Variants in DHX35 observed in about 807,000 individuals in gnomAD.
DHX35 encodes the protein DEAH-box helicase 35.
DHX35 carries 84 observed loss-of-function variants against 99.6 expected under a neutral mutation model. That is an observed-to-expected ratio of 0.84 (90% CI 0.71 to 1.01). The LOEUF (loss-of-function observed/expected upper bound fraction) is 1.01. Among genes scored for constraint, DHX35 ranks in the 50% least tolerant of loss-of-function variants. DHX35 has a pLI of 0.00. For missense variants in DHX35, 852 were observed against 888.5 expected, an observed-to-expected ratio of 0.96 and a Z score of 0.52; for synonymous variants, 331 against 316.2, an observed-to-expected ratio of 1.05 and a Z score of -0.50.
rs569072175 is a variant in DHX35, at chr20:39,002,813, T to C, written c.797T>C (p.Val266Ala). ...ATCAAATCAACTGTCGAAACTGTGG[T>C]GAAAATTCACCAGACAGAGGGAGAC... is the stretch of plus-strand genomic sequence containing the variant. Reference protein sequence around the residue: ...DYIKSTVETVVKIHQTEGDGD... With the variant: ...DYIKSTVETVAKIHQTEGDGD... The change falls in exon 10 of 22, where the codon GTG becomes GCG. Residue 266 changes from valine to alanine, a missense_variant. Physicochemically the swap from Val to Ala is moderately conservative, Grantham distance 64. Transcript: ENST00000252011. 6.2e-7 allele frequency: 1 copy of C among 1,614,172 alleles called. No individual in the cohort carries two copies. Among genetic ancestry groups the C allele is most frequent in the African/African-American group, 1.3e-5 (1 of 75,052 alleles).
chr20:39,004,266 T>C (rs959595492), intron 11 of DHX35, among the ~76,000 whole-genome samples: 8 of 152,010 alleles, frequency 5.3e-5, no homozygotes, highest in South Asian at 4.1e-4. Context: ...GGGGTTTCAC[T>C]AAGTTAGCCA....
intron 21 of DHX35, among the ~76,000 whole-genome samples, chr20:39,037,035 G>A (rs546744817): frequency 6.6e-6 from 1 of 152,212 alleles, no homozygotes; most frequent in Admixed American, 6.5e-5. Flanking sequence ...ACTGTTTTTC[G>A]GAATGTTGCT....
chr20:38,962,363 C>A lies in DHX35; in HGVS notation c.-5C>A. 2 of 1,612,380 alleles carry A rather than the reference C, an allele frequency of 1.2e-6. No homozygotes were observed. The highest frequency in any genetic ancestry group is 2.2e-5 in the East Asian group (1 of 44,774). ...GGAGCTAGCCTCGTGACCTTTTACCCCAACATGGCTGCGCCCGTGGGACCG... is the reference window on the plus strand; with the variant it reads ...GGAGCTAGCCTCGTGACCTTTTACCACAACATGGCTGCGCCCGTGGGACCG... On this transcript the variant is annotated 5_prime_UTR_variant, in exon 1 of 22. Transcript: ENST00000252011.
At position 39,039,500 on chromosome 20, in the gene DHX35, A is replaced by G. The variant is rs755419434; in HGVS notation, c.*957A>G. ...TGTGATGATGATTGCATTTCAACAC[A>G]TGCCAGATGCAGATTTTTTCCCCCT... On this transcript the variant is annotated 3_prime_UTR_variant, in exon 22 of 22. Transcript: ENST00000252011. 28 of 152,462 alleles carry G rather than the reference A, an allele frequency of 1.8e-4. No homozygotes were observed. The highest frequency in any genetic ancestry group is 4.1e-4 in the Non-Finnish European group (28 of 68,040). 9.4% of individuals were successfully genotyped at this position (152,462 alleles called of 1,614,324 possible).
rs1178927379 is a variant in DHX35 at position 39,021,838 on chromosome 20, C to G, written c.1499-3C>G. 1.9e-6 allele frequency: 3 copies of G among 1,613,990 alleles called. No homozygotes were observed. In the East Asian group the frequency reaches 6.7e-5, roughly 36 times the overall value. On this transcript the variant is annotated splice_polypyrimidine_tract_variant and splice_region_variant and intron_variant, in intron 15 of 21. Transcript: ENST00000252011. ...GAAACCAAACATGCTTTTTGTTTTA[C>G]AGGAAACTTCGGCTGTTCTCAGGAA... is the stretch of plus-strand genomic sequence containing the variant.
chr20:38,974,415 G>C (rs1213182087), intron 3 of DHX35, among the ~76,000 whole-genome samples: 1 of 152,212 alleles, frequency 6.6e-6, no homozygotes, highest in Non-Finnish European at 1.5e-5. Flanking sequence ...ATGGATATTT[G>C]TGATGACAAA....
At chr20:39,003,137 C>A (rs2086550135) in intron 10 of DHX35, among the ~76,000 whole-genome samples, 1 of 151,686 alleles carries the variant, frequency 6.6e-6, no homozygotes, top group Admixed American at 6.6e-5. Context: ...TGAGTGAGGG[C>A]TATTTTGTTT....
At position 38,991,459 on chromosome 20, in the gene DHX35, T is replaced by C. The variant is rs370083677; in HGVS notation, c.456T>C (p.Leu152=). The C allele has an allele frequency of 8.1e-6, 13 of 1,612,984 alleles. No individual in the cohort carries two copies. In the East Asian group the frequency reaches 1.1e-4, roughly 14 times the overall value. The change falls in exon 6 of 22, where the codon CTT becomes CTC. Residue 152 remains leucine, a synonymous_variant. Transcript: ENST00000252011. ...TTTGTGTTTTTATTTTTTAGTTTCT[T>C]ACTGATGGAATGCTGGTCAGGGAAA... The part of the protein sequence containing the change: ...TDQLATRIKF[L]TDGMLVREMM...
intron 13 of DHX35, among the ~76,000 whole-genome samples, chr20:39,011,492 C>T (rs972973524): frequency 5.3e-5 from 8 of 152,072 alleles, no homozygotes; most frequent in Admixed American, 2.0e-4. Flanking sequence ...TGTGCCACCA[C>T]GCCTGGCTAA....
chr20:38,998,355 T>C (rs66633066), intron 8 of DHX35, among the ~76,000 whole-genome samples: 51,269 of 152,064 alleles, frequency 0.34, 8,757 homozygotes, highest in Middle Eastern at 0.51. Flanking sequence ...GGGTCAGGTC[T>C]CCACCCTGGA....
intron 2 of DHX35, among the ~76,000 whole-genome samples, chr20:38,971,994 GTTTTGTTTTGTTTTTTTTTT>G (rs2086005053): frequency 8.9e-6 from 1 of 112,044 alleles, no homozygotes; most frequent in Non-Finnish European, 1.9e-5. Flanking sequence ...TGTTTTTTTT[GTTTTGTTTTGTTTTTTTTTT>G]TTTTTTTTTT....
chr20:38,973,707 G>T (rs1455924940), intron 3 of DHX35, among the ~76,000 whole-genome samples: 1 of 152,198 alleles, frequency 6.6e-6, no homozygotes, highest in Non-Finnish European at 1.5e-5. Context: ...GCCAGATGCA[G>T]CCCGCTGCCT....
At chr20:39,021,632 C>T (rs1004947554) in intron 15 of DHX35, among the ~76,000 whole-genome samples, 1 of 152,110 alleles carries the variant, frequency 6.6e-6, no homozygotes, top group South Asian at 2.1e-4. Flanking sequence ...CAGGCACATA[C>T]CACCATGCCT....
At chr20:38,976,712 A>T (rs1345130071) in intron 3 of DHX35, among the ~76,000 whole-genome samples, 1 of 151,916 alleles carries the variant, frequency 6.6e-6, no homozygotes, top group Non-Finnish European at 1.5e-5. Flanking sequence ...TATAACTATA[A>T]CTCTGTGCTT....
At chr20:39,004,015 T>C in intron 11 of DHX35, 108 bp downstream of exon 11, 1 of 1,258,530 alleles carries the variant, frequency 7.9e-7, no homozygotes, top group Non-Finnish European at 1.1e-6. Context: ...TCTAGGTCCA[T>C]ATTTCTGTGT....
In DHX35 at chr20:39,010,301, C is replaced by T. The variant is rs765600170; in HGVS notation, c.1244C>T (p.Pro415Leu). 2 of 1,614,118 alleles carry T rather than the reference C, an allele frequency of 1.2e-6. No individual in the cohort carries two copies. Among genetic ancestry groups the T allele is most frequent in the Non-Finnish European group, 1.7e-6 (2 of 1,180,014 alleles). Residue 415 changes from proline to leucine, a missense_variant, in exon 13 of 22, where the codon CCT becomes CTT. Transcript: ENST00000252011. ...LYTEEAFDKL[P>L]QSTVPEMQRS... is the part of the protein sequence containing the mutation. ...TCAGAGGAAGCCTTTGACAAGTTGCCTCAGTCTACGGTTCCTGAGATGCAG... is the reference window on the plus strand; with the variant it reads ...TCAGAGGAAGCCTTTGACAAGTTGCTTCAGTCTACGGTTCCTGAGATGCAG...
At chr20:39,016,817 T>C (rs1235236303) in intron 14 of DHX35, among the ~76,000 whole-genome samples, 1 of 152,168 alleles carries the variant, frequency 6.6e-6, no homozygotes, top group African/African-American at 2.4e-5. Context: ...TAAATCTTCT[T>C]TGGAGAAAAG....
intron 3 of DHX35, among the ~76,000 whole-genome samples, chr20:38,981,252 A>C (rs1409031628): frequency 6.6e-6 from 1 of 152,078 alleles, no homozygotes. Flanking sequence ...TCACCTACTA[A>C]GTTTAGTATC....
rs771386079 is a variant in DHX35 at position 38,992,424 on chromosome 20, A to G, written c.581A>G (p.Lys194Arg). 2 of 1,614,032 alleles carry G rather than the reference A, an allele frequency of 1.2e-6. No homozygotes were observed. Among genetic ancestry groups the G allele is most frequent in the Non-Finnish European group, 1.7e-6 (2 of 1,179,912 alleles). Residue 194 changes from lysine to arginine, a missense_variant and splice_region_variant, in exon 7 of 22, where the codon AAG becomes AGG. Coordinates refer to ENST00000252011, the MANE Select transcript of DHX35 (RefSeq NM_021931.4). ...YTDIAIGLLK[K>R]IQKKRGDLRL... The stretch of plus-strand genomic sequence containing the variant: ...GACATTGCCATTGGCTTGCTAAAAA[A>G]GGTATGACTTCACTGCCAGCTTTTC...
Sources: gnomAD v4.1 joint callset for allele counts (sites outside exome capture counted in the v4.1 genomes callset) on GRCh38, gnomAD v4.1.1 for gene constraint, MANE v1.5 for transcripts, NCBI Gene and HGNC (gene_info 2026-07-23, HGNC 2026-07-21) for gene names.